GNB4: variants seen among roughly 807,000 people sequenced by gnomAD.
GNB4 encodes the protein G protein subunit beta 4.
A neutral mutation model predicts 45.2 loss-of-function variants in GNB4; 28 were observed. That is an observed-to-expected ratio of 0.62 (90% CI 0.46 to 0.85). The LOEUF (loss-of-function observed/expected upper bound fraction) is 0.85, where lower values mean the gene tolerates loss of function less well. GNB4 is among the 40% of genes least tolerant of loss of function. GNB4 has a pLI of 0.00. For missense variants in GNB4, 321 were observed against 425.4 expected (o/e 0.75, Z 2.16); for synonymous variants, 132 against 143.7 (o/e 0.92, Z 0.58).
chr3:179,446,540 A>AAT (rs530730694), intron 1 of GNB4, among the ~76,000 whole-genome samples: 51 of 152,182 alleles, frequency 3.4e-4, no homozygotes, highest in African/African-American at 1.2e-3. Flanking sequence ...TTCTAATCGT[A>AAT]TTGTAATTAT....
At chr3:179,422,150 A>G (rs1714999781) in intron 2 of GNB4, among the ~76,000 whole-genome samples, 1 of 152,246 alleles carries the variant, frequency 6.6e-6, no homozygotes, top group African/African-American at 2.4e-5. Flanking sequence ...TAGTAACACA[A>G]TTTAAAAATT....
the GNB4 span, among the ~76,000 whole-genome samples, chr3:179,514,080 A>G: frequency 6.6e-6 from 1 of 152,234 alleles, no homozygotes; most frequent in African/African-American, 2.4e-5. Context: ...TACCTCAGGA[A>G]TGCATAGCAG....
the GNB4 span, among the ~76,000 whole-genome samples, chr3:179,461,429 G>A: frequency 0.32 from 48,952 of 150,814 alleles, 8,516 homozygotes; most frequent in African/African-American, 0.46. Context: ...CCCGGGAGGC[G>A]GAGCTTGCAG....
At position 179,400,217 on chromosome 3, in the gene GNB4, G is replaced by C. The variant is rs548543668; in HGVS notation, c.*996C>G. ...GTATGCAAACATGAAATAAACCACC[G>C]TATTACAACAAATATGTGCTAGCGA... On this transcript the variant is annotated 3_prime_UTR_variant, in exon 10 of 10. Coordinates refer to ENST00000232564, the MANE Select transcript of GNB4 (RefSeq NM_021629.4). 2 of 152,268 alleles carry C rather than the reference G, an allele frequency of 1.3e-5. No individual in the cohort carries two copies. The highest frequency in any genetic ancestry group is 2.1e-4 in the South Asian group (1 of 4,822). 9.4% of individuals were successfully genotyped at this position (152,268 alleles called of 1,614,324 possible). A position where few individuals can be genotyped will look rare whatever the true frequency, so the allele number is the denominator to read the frequency against.
intron 4 of GNB4, among the ~76,000 whole-genome samples, chr3:179,418,527 G>A (rs1451610671): frequency 6.7e-6 from 1 of 149,994 alleles, no homozygotes; most frequent in Admixed American, 6.6e-5. Context: ...AAGACATTAT[G>A]TCAGTTGCCA....
At chr3:179,427,608 A>T (rs1310018118) in intron 1 of GNB4, among the ~76,000 whole-genome samples, 2 of 43,956 alleles carry the variant, frequency 4.6e-5, no homozygotes, top group African/African-American at 2.0e-4. Flanking sequence ...CTGGCTTTAA[A>T]AAAAAAAAAA....
chr3:179,519,059 A>G, the GNB4 span, among the ~76,000 whole-genome samples: 7 of 152,196 alleles, frequency 4.6e-5, no homozygotes, highest in Non-Finnish European at 7.4e-5. Context: ...CCACATCTCC[A>G]GCACACAAGA....
intron 8 of GNB4, among the ~76,000 whole-genome samples, chr3:179,412,350 AT>A (rs1286508831): frequency 1.3e-5 from 2 of 151,882 alleles, no homozygotes; most frequent in Non-Finnish European, 2.9e-5. Context: ...GTGGTGGTGT[AT>A]GCCTGTAGTC....
At chr3:179,439,113 G>T (rs1456656340) in intron 1 of GNB4, among the ~76,000 whole-genome samples, 1 of 152,118 alleles carries the variant, frequency 6.6e-6, no homozygotes, top group South Asian at 2.1e-4. Context: ...AACCTTGAGG[G>T]TAGAGCCCAG....
At chr3:179,525,800 G>GT in the GNB4 span, among the ~76,000 whole-genome samples, 1 of 152,198 alleles carries the variant, frequency 6.6e-6, no homozygotes, top group African/African-American at 2.4e-5. Flanking sequence ...GGAGAAGAGA[G>GT]TGAAAAGACC....
the GNB4 span, among the ~76,000 whole-genome samples, chr3:179,522,692 C>T: frequency 2.0e-5 from 3 of 152,026 alleles, no homozygotes; most frequent in Non-Finnish European, 4.4e-5. Context: ...CATCAATAAA[C>T]CAAGTGTGAT....
At chr3:179,404,543 G>A (rs1018541817) in intron 9 of GNB4, among the ~76,000 whole-genome samples, 3 of 152,104 alleles carry the variant, frequency 2.0e-5, no homozygotes, top group East Asian at 1.9e-4. Context: ...CAAAGGGGGC[G>A]GGGAGAGAGG....
chr3:179,458,564 C>A, the GNB4 span, among the ~76,000 whole-genome samples: 2 of 152,056 alleles, frequency 1.3e-5, no homozygotes, highest in African/African-American at 4.8e-5. Context: ...GTTCCAGGAC[C>A]CCCGCGGATA....
At chr3:179,461,445 C>T in the GNB4 span, among the ~76,000 whole-genome samples, 3 of 150,068 alleles carry the variant, frequency 2.0e-5, no homozygotes, top group African/African-American at 7.4e-5. Flanking sequence ...TGCAGTGAGC[C>T]GAGATTGCGC....
the GNB4 span, among the ~76,000 whole-genome samples, chr3:179,487,877 C>CAA: frequency 6.6e-6 from 1 of 152,006 alleles, no homozygotes; most frequent in Non-Finnish European, 1.5e-5. Context: ...TGGTGAAACC[C>CAA]CATCTCTACC....
At chr3:179,464,505 C>T in the GNB4 span, 24 of 1,611,144 alleles carry the variant, frequency 1.5e-5, no homozygotes, top group East Asian at 6.7e-5. Context: ...GCAGGAAGTG[C>T]GGCAGGAGGT....
chr3:179,457,928 A>G, the GNB4 span, among the ~76,000 whole-genome samples: 1 of 149,354 alleles, frequency 6.7e-6, no homozygotes, highest in Non-Finnish European at 1.5e-5. Flanking sequence ...TTTTAAAGAC[A>G]GAGTCTTGCT....
intron 8 of GNB4, chr3:179,410,250 A>C (rs1560212107): frequency 6.6e-6 from 1 of 152,252 alleles, no homozygotes; most frequent in Non-Finnish European, 1.5e-5. Context: ...GTAGAAAAGA[A>C]ATAATAAAGA....
At position 179,413,632 on chromosome 3, in the gene GNB4, T is replaced by C. The variant is rs1188603320; in HGVS notation, c.498-19A>G. 3.1e-6 allele frequency: 5 copies of C among 1,613,594 alleles called. No homozygotes were observed. Among genetic ancestry groups the C allele is most frequent in the Non-Finnish European group, 3.4e-6 (4 of 1,179,546 alleles). ...TAAAGCACTGTAATTAAAAACAAAATTTCATGACAATTACTTCTTCTTATG... is the reference window on the plus strand; with the variant it reads ...TAAAGCACTGTAATTAAAAACAAAACTTCATGACAATTACTTCTTCTTATG... On this transcript the variant is annotated intron_variant, in intron 7 of 9. Transcript: ENST00000232564.
Sources: allele counts gnomAD v4.1 joint callset (sites outside exome capture counted in the v4.1 genomes callset), GRCh38; gene constraint gnomAD v4.1.1; transcripts MANE v1.5; gene names NCBI Gene and HGNC (gene_info 2026-07-23, HGNC 2026-07-21).